RAP1GAP2: variants seen among roughly 807,000 people sequenced by gnomAD.
RAP1GAP2 encodes RAP1 GTPase activating protein 2.
Under a neutral mutation model 95.0 loss-of-function variants are expected in RAP1GAP2, and 27 were observed. The observed-to-expected ratio is 0.28, with a 90% CI of 0.21 to 0.39. The LOEUF (loss-of-function observed/expected upper bound fraction) is 0.39, where lower values mean the gene tolerates loss of function less well. Ranked by LOEUF, RAP1GAP2 falls within the 10% of genes least tolerant of loss-of-function variation. The pLI, the probability that RAP1GAP2 is intolerant of heterozygous loss-of-function variation, is 1.00. For missense variants in RAP1GAP2, 771 were observed against 970.0 expected, an observed-to-expected ratio of 0.79 and a Z score of 2.72; for synonymous variants, 373 against 380.9, an observed-to-expected ratio of 0.98 and a Z score of 0.24.
intron 3 of RAP1GAP2, among the ~76,000 whole-genome samples, chr17:2,924,986 A>G (rs188167806): frequency 3.2e-4 from 48 of 152,324 alleles, no homozygotes; most frequent in African/African-American, 1.1e-3. Flanking sequence ...GAGATCCCCA[A>G]TGGTGCCCTG....
chr17:2,833,617 G>C (rs1394276697), intron 2 of RAP1GAP2, among the ~76,000 whole-genome samples: 1 of 149,496 alleles, frequency 6.7e-6, no homozygotes, highest in Non-Finnish European at 1.5e-5. Context: ...ATGAACCTGG[G>C]AGGCGGAGCT....
intron 8 of RAP1GAP2, among the ~76,000 whole-genome samples, chr17:2,967,794 A>G (rs1461977652): frequency 2.6e-5 from 4 of 152,238 alleles, no homozygotes; most frequent in African/African-American, 7.2e-5. Flanking sequence ...GGCGGTGACT[A>G]CTGTCCAAAC....
At chr17:2,880,363 G>T (rs550161936) in intron 2 of RAP1GAP2, among the ~76,000 whole-genome samples, 1 of 151,938 alleles carries the variant, frequency 6.6e-6, no homozygotes, top group Non-Finnish European at 1.5e-5. Context: ...GGACAAGGGG[G>T]TGCGGAGAGT....
intron 2 of RAP1GAP2, among the ~76,000 whole-genome samples, chr17:2,838,906 C>T (rs2071258439): frequency 6.6e-6 from 1 of 152,186 alleles, no homozygotes; most frequent in African/African-American, 2.4e-5. Context: ...TCTCAAGCCT[C>T]AGGCCTTGGG....
chr17:2,993,581 A>AT (rs1555592759), intron 12 of RAP1GAP2, among the ~76,000 whole-genome samples: 117 of 137,426 alleles, frequency 8.5e-4, no homozygotes, highest in African/African-American at 2.8e-3. Context: ...TAAAAAAAAA[A>AT]AAATAAATAA....
Position 2,963,934 on chromosome 17 carries a change from G to A in RAP1GAP2, c.358G>A (p.Val120Met), listed in dbSNP as rs770068623. ...CTATTGGATCGAGGACCCGGAGAAC[G>A]TGGGCACCCCAACATCGCTGGGGAG... is the stretch of plus-strand genomic sequence containing the variant. Reference protein sequence around the residue: ...GGYWIEDPENVGTPTSLGSSI... With the variant: ...GGYWIEDPENMGTPTSLGSSI... Residue 120 changes from valine to methionine, a missense_variant, in exon 7 of 25, where the codon GTG (valine) becomes ATG (methionine). Physicochemically the swap from Val to Met is conservative, Grantham distance 21 (BLOSUM62 1). Coordinates refer to ENST00000254695, the MANE Select transcript of RAP1GAP2 (RefSeq NM_015085.5). This position sits in a 1 kb window ranked among gnomAD's most constrained non-coding sequence, Gnocchi z 4.8. The A allele has an allele frequency of 1.7e-5, 28 of 1,613,210 alleles. No homozygotes were observed. The highest frequency in any genetic ancestry group is 2.3e-5 in the Non-Finnish European group (27 of 1,179,786).
At chr17:2,853,728 C>CCG (rs2071992254) in intron 2 of RAP1GAP2, among the ~76,000 whole-genome samples, 1 of 145,702 alleles carries the variant, frequency 6.9e-6, no homozygotes. Context: ...CCGGCCCGGG[C>CCG]CGCGCCCCGA....
At chr17:2,805,996 G>A (rs1436720408) in intron 2 of RAP1GAP2, among the ~76,000 whole-genome samples, 4 of 152,164 alleles carry the variant, frequency 2.6e-5, no homozygotes, top group South Asian at 4.1e-4. Context: ...GCAGCCCTTG[G>A]TCCCTAGAAG....
chr17:2,781,740 CTGTG>C (rs897785531), intron 1 of RAP1GAP2, among the ~76,000 whole-genome samples: 6 of 110,190 alleles, frequency 5.4e-5, no homozygotes, highest in African/African-American at 1.8e-4. Context: ...GTGCACGTCT[CTGTG>C]TGAGTACGTC....
intron 3 of RAP1GAP2, among the ~76,000 whole-genome samples, chr17:2,931,121 CAAAAAAAAAA>C (rs67067799): frequency 4.5e-5 from 3 of 67,162 alleles, no homozygotes; most frequent in African/African-American, 1.7e-4. Flanking sequence ...GACTCCATCT[CAAAAAAAAAA>C]AAAAAAAAAA....
intron 9 of RAP1GAP2, 99 bp downstream of exon 9, chr17:2,980,464 T>C (rs909054572): frequency 1.9e-5 from 23 of 1,242,472 alleles, no homozygotes; most frequent in Middle Eastern, 2.5e-4. Context: ...GCTCAGCCCT[T>C]AGAGAAGGGG....
chr17:3,022,223 G>C (rs1285686843), intron 19 of RAP1GAP2, among the ~76,000 whole-genome samples: 1 of 152,164 alleles, frequency 6.6e-6, no homozygotes, highest in African/African-American at 2.4e-5. Flanking sequence ...TCCCGTGGTG[G>C]GGGCAGATGT....
intron 3 of RAP1GAP2, among the ~76,000 whole-genome samples, chr17:2,954,102 T>C (rs1287553700): frequency 1.3e-5 from 2 of 152,176 alleles, no homozygotes; most frequent in African/African-American, 2.4e-5. Context: ...CTCTGACTTT[T>C]GTCTTTTTTA....
chr17:2,960,319 A>G (rs2044267234), intron 4 of RAP1GAP2, among the ~76,000 whole-genome samples: 1 of 151,956 alleles, frequency 6.6e-6, no homozygotes, highest in Admixed American at 6.6e-5. Context: ...ATGCAGGCCA[A>G]ACAAAACAGA....
chr17:2,880,164 A>G (rs148653161), intron 2 of RAP1GAP2, among the ~76,000 whole-genome samples: 53 of 152,198 alleles, frequency 3.5e-4, no homozygotes, highest in African/African-American at 1.2e-3. Flanking sequence ...AGAGACCTGG[A>G]GGATGATTAG....
chr17:2,926,125 CA>C (rs990593437), intron 3 of RAP1GAP2, among the ~76,000 whole-genome samples: 1,819 of 59,650 alleles, frequency 0.03, 27 homozygotes, highest in African/African-American at 0.072. Context: ...GCCTCTGTCT[CA>C]AAAAAAAAAA....
intron 1 of RAP1GAP2, among the ~76,000 whole-genome samples, chr17:2,768,075 T>G (rs2068311145): frequency 6.6e-6 from 1 of 152,166 alleles, no homozygotes; most frequent in East Asian, 1.9e-4. Context: ...TTTATTTAGC[T>G]CCCTACTGAA....
At chr17:3,031,714 G>T (rs971434146) in intron 23 of RAP1GAP2, among the ~76,000 whole-genome samples, 5 of 144,664 alleles carry the variant, frequency 3.5e-5, no homozygotes, top group East Asian at 2.3e-4. Flanking sequence ...CCAGATGTGA[G>T]GTGGGAAGGG....
intron 8 of RAP1GAP2, 28 bp from the exon 9 acceptor site, chr17:2,980,259 A>AC: frequency 6.2e-7 from 1 of 1,610,828 alleles, no homozygotes; most frequent in Non-Finnish European, 8.5e-7. Context: ...TTTCTTAGGG[A>AC]TGTCCTTTTT....
Sources: gnomAD v4.1 joint callset for allele counts (sites outside exome capture counted in the v4.1 genomes callset) on GRCh38, gnomAD v4.1.1 for gene constraint, Gnocchi (gnomAD v3.1) non-coding constraint, MANE v1.5 for transcripts, NCBI Gene and HGNC (gene_info 2026-07-23, HGNC 2026-07-21) for gene names.